ITGAV: variants seen among roughly 807,000 people sequenced by gnomAD.
ITGAV encodes the protein integrin alpha-V.
ITGAV carries 76 observed loss-of-function variants against 143.8 expected under a neutral mutation model. That is an observed-to-expected ratio of 0.53 (90% CI 0.44 to 0.64). The LOEUF is 0.64. ITGAV is among the 30% of genes least tolerant of loss of function. The pLI is 0.00. For synonymous variants in ITGAV, 453 were observed against 446.7 expected, an observed-to-expected ratio of 1.01 and a Z score of -0.18; for missense variants, 1,193 against 1,274.7, an observed-to-expected ratio of 0.94 and a Z score of 0.98.
chr2:186,658,104 G>C (rs1688641621), intron 17 of ITGAV, among the ~76,000 whole-genome samples: 1 of 152,064 alleles, frequency 6.6e-6, no homozygotes. Context: ...ATAAGTCTTA[G>C]CAGTTTGTAA....
chr2:186,624,806 A>C (rs1353179799), intron 3 of ITGAV, among the ~76,000 whole-genome samples: 1 of 152,186 alleles, frequency 6.6e-6, no homozygotes, highest in African/African-American at 2.4e-5. Flanking sequence ...TACTCTCTTA[A>C]TAAACTATTT....
chr2:186,622,647 A>G (rs1687563086), intron 3 of ITGAV, among the ~76,000 whole-genome samples: 2 of 152,104 alleles, frequency 1.3e-5, no homozygotes, highest in Non-Finnish European at 2.9e-5. Context: ...CCTTATTCCT[A>G]CTTTGTTTTA....
At chr2:186,664,708 C>T (rs1172152730) in intron 20 of ITGAV, 67 bp downstream of exon 20, 1 of 1,583,252 alleles carries the variant, frequency 6.3e-7, no homozygotes, top group East Asian at 2.2e-5. Flanking sequence ...ATGAGCTGTT[C>T]CCCTATTTAG....
In ITGAV at chr2:186,640,898, T is replaced by G; in HGVS notation, c.904-17T>G. The G allele has an allele frequency of 1.3e-6, 2 of 1,574,470 alleles. No individual in the cohort carries two copies. The highest frequency in any genetic ancestry group is 1.7e-6 in the Non-Finnish European group (2 of 1,152,874). On this transcript the variant is annotated splice_polypyrimidine_tract_variant and intron_variant, in intron 10 of 29. Coordinates refer to ENST00000261023, the MANE Select transcript of ITGAV (RefSeq NM_002210.5). ...TTGGATGAAATATAAACATTTCATT[T>G]TCATCTTTTTATCCAGATGGCTGCA... is the stretch of plus-strand genomic sequence containing the variant.
chr2:186,659,568 C>T (rs1688684599), intron 18 of ITGAV, among the ~76,000 whole-genome samples: 2 of 151,730 alleles, frequency 1.3e-5, no homozygotes, highest in Admixed American at 1.3e-4. Flanking sequence ...TAATTCTTTT[C>T]AGAAAACCAA....
At chr2:186,664,386 C>T in intron 19 of ITGAV, 108 bp from the exon 20 acceptor site, 6 of 1,050,710 alleles carry the variant, frequency 5.7e-6, no homozygotes, top group Non-Finnish European at 8.3e-6. Flanking sequence ...CCTTGAGACA[C>T]TGTTGAACAT....
At chr2:186,592,049 C>T (rs1439747408) in intron 1 of ITGAV, among the ~76,000 whole-genome samples, 2 of 152,136 alleles carry the variant, frequency 1.3e-5, no homozygotes, top group Non-Finnish European at 2.9e-5. Flanking sequence ...TGAGACAGAA[C>T]ATTTTAGTTG....
intron 20 of ITGAV, 67 bp from the exon 21 acceptor site, chr2:186,665,059 T>C: frequency 9.6e-7 from 1 of 1,040,412 alleles, no homozygotes; most frequent in African/African-American, 1.6e-5. Context: ...GAAACTGAAA[T>C]ATCCAACTGC....
At chr2:186,602,446 T>G (rs1412723435) in intron 2 of ITGAV, among the ~76,000 whole-genome samples, 1 of 152,192 alleles carries the variant, frequency 6.6e-6, no homozygotes, top group Non-Finnish European at 1.5e-5. Context: ...TTTTGTACCT[T>G]TTCTGAGAAT....
chr2:186,604,415 GGA>G (rs1327480465), intron 2 of ITGAV, among the ~76,000 whole-genome samples: 6 of 152,080 alleles, frequency 3.9e-5, no homozygotes, highest in African/African-American at 1.4e-4. Flanking sequence ...TTCTACTAGT[GGA>G]TACTTTGGTT....
At chr2:186,634,228 GTTTC>G (rs1174218460) in intron 6 of ITGAV, among the ~76,000 whole-genome samples, 2 of 151,942 alleles carry the variant, frequency 1.3e-5, no homozygotes. Flanking sequence ...TTTGCTTTAT[GTTTC>G]TTTATGTATC....
chr2:186,590,234 A>C lies in ITGAV; in HGVS notation c.-105A>C. 2 of 1,003,720 alleles carry C rather than the reference A, an allele frequency of 2.0e-6. No homozygotes were observed. Among genetic ancestry groups the C allele is most frequent in the African/African-American group, 3.4e-5 (2 of 58,202 alleles). 62.2% of individuals were successfully genotyped at this position (1,003,720 alleles called of 1,614,324 possible). A position where few individuals can be genotyped will look rare whatever the true frequency, so the allele number is the denominator to read the frequency against. On this transcript the variant is annotated 5_prime_UTR_variant, in exon 1 of 30. Coordinates refer to ENST00000261023, the MANE Select transcript of ITGAV (RefSeq NM_002210.5). Reference sequence around the variant, plus strand: ...GCTAGCCGAGAAGAGAGCGGCCGGCAAGTTTGGGCGCGCGCAGGCGGCGGG... The same window carrying C: ...GCTAGCCGAGAAGAGAGCGGCCGGCCAGTTTGGGCGCGCGCAGGCGGCGGG...
Position 186,629,208 on chromosome 2 carries a change from A to G in ITGAV, c.524-1589A>G, listed in dbSNP as rs61763654. ...TAAGTACCAGAGCCTGCATCAAAAT[A>G]GTTTATATTCAACATGAAGTCTTTA... On this transcript the variant is annotated intron_variant, in intron 4 of 29. Coordinates refer to ENST00000261023, the MANE Select transcript of ITGAV (RefSeq NM_002210.5). Among the ~76,000 whole-genome samples the G allele has an allele frequency of 2.9e-3, 435 of 152,232 alleles. 1 individual carries two copies. Among genetic ancestry groups the G allele is most frequent in the African/African-American group, 0.01 (421 of 41,562 alleles).
intron 6 of ITGAV, among the ~76,000 whole-genome samples, chr2:186,633,969 A>G (rs186196538): frequency 7.9e-5 from 12 of 152,238 alleles, no homozygotes; most frequent in African/African-American, 2.9e-4. Context: ...AGGAAGTTGT[A>G]GTGAGCCAAG....
chr2:186,642,662 G>C (rs1396364612), intron 12 of ITGAV, among the ~76,000 whole-genome samples: 2 of 151,258 alleles, frequency 1.3e-5, no homozygotes, highest in Non-Finnish European at 1.5e-5. Context: ...AGCCTCCTGA[G>C]TAGCTGGGAC....
intron 10 of ITGAV, among the ~76,000 whole-genome samples, chr2:186,640,627 T>C (rs1166413436): frequency 6.6e-6 from 1 of 152,120 alleles, no homozygotes; most frequent in Non-Finnish European, 1.5e-5. Context: ...AGAAGGAGAA[T>C]TGATAGTCCT....
Position 186,640,873 on chromosome 2 carries a change from T to C in ITGAV, c.904-42T>C, listed in dbSNP as rs1193626708. The C allele has an allele frequency of 6.1e-6, 9 of 1,473,670 alleles. No homozygotes were observed. In the African/African-American group the frequency reaches 1.1e-4, roughly 18 times the overall value. The allele number at this position is 1,473,670 out of a possible 1,614,324, so 91.3% of individuals were successfully genotyped here. A position where few individuals can be genotyped will look rare whatever the true frequency, so the allele number is the denominator to read the frequency against. ...TACAAATGTTAATTGTCTAAACTAA[T>C]TGGATGAAATATAAACATTTCATTT... On this transcript the variant is annotated intron_variant, in intron 10 of 29. Coordinates refer to ENST00000261023, the MANE Select transcript of ITGAV (RefSeq NM_002210.5).
chr2:186,643,917 T>C (rs1688178076), intron 12 of ITGAV, among the ~76,000 whole-genome samples: 1 of 152,178 alleles, frequency 6.6e-6, no homozygotes, highest in South Asian at 2.1e-4. Context: ...AGCCATCTTT[T>C]GTTGCAAAAT....
At chr2:186,614,061 G>A (rs560043661) in intron 2 of ITGAV, among the ~76,000 whole-genome samples, 3 of 152,192 alleles carry the variant, frequency 2.0e-5, no homozygotes, top group African/African-American at 7.2e-5. Flanking sequence ...AGATGAAAAT[G>A]TAAACAAAGT....
Sources: gnomAD v4.1 joint callset for allele counts (sites outside exome capture counted in the v4.1 genomes callset) on GRCh38, gnomAD v4.1.1 for gene constraint, MANE v1.5 for transcripts, NCBI Gene and HGNC (gene_info 2026-07-23, HGNC 2026-07-21) for gene names.